ZNF469: variants seen among roughly 807,000 people sequenced by gnomAD.
The protein encoded by ZNF469 is zinc finger protein 469.
Under a neutral mutation model 1.0 loss-of-function variants are expected in ZNF469, and 1 was observed. The observed-to-expected ratio is 1.00, with a 90% CI of 0.35 to 4.73. ZNF469 has a LOEUF of 4.73. Among genes scored for constraint, ZNF469 ranks in the 30% most tolerant of loss-of-function variants. ZNF469 has a pLI of 0.16. For synonymous variants in ZNF469, 2,703 were observed against 2,363.4 expected (o/e 1.14, Z -4.17); for missense variants, 6,100 against 5,356.3 (o/e 1.14, Z -4.33).
At chr16:88,383,961 G>A (rs574174479) in intron 1 of ZNF469, among the ~76,000 whole-genome samples, 4 of 151,872 alleles carry the variant, frequency 2.6e-5, no homozygotes, top group Admixed American at 6.5e-5. Context: ...AATGGGGCTC[G>A]GGGGACTCCC....
chr16:88,240,965 A>G, the ZNF469 span, among the ~76,000 whole-genome samples: 1 of 151,866 alleles, frequency 6.6e-6, no homozygotes, highest in Non-Finnish European at 1.5e-5. Context: ...CGGAAACCCC[A>G]TCTTCCTGCA....
chr16:88,403,345 T>C (rs1599351687), intron 1 of ZNF469, among the ~76,000 whole-genome samples: 1 of 152,362 alleles, frequency 6.6e-6, no homozygotes, highest in East Asian at 1.9e-4. Flanking sequence ...ATCCTCTGCG[T>C]GGGTTTGGTG....
the ZNF469 span, among the ~76,000 whole-genome samples, chr16:88,354,922 G>A: frequency 6.6e-6 from 1 of 152,208 alleles, no homozygotes; most frequent in East Asian, 1.9e-4. Flanking sequence ...CGAGTCCAGG[G>A]TCTCCAGTGG....
At chr16:88,154,513 C>A in the ZNF469 span, among the ~76,000 whole-genome samples, 1 of 152,326 alleles carries the variant, frequency 6.6e-6, no homozygotes, top group East Asian at 1.9e-4. Flanking sequence ...ACCATGGTAC[C>A]ATCGTAGAAA....
the ZNF469 span, among the ~76,000 whole-genome samples, chr16:88,321,468 ACC>A: frequency 2.0e-5 from 3 of 151,118 alleles, no homozygotes; most frequent in African/African-American, 7.3e-5. Context: ...GTTAGGCCTC[ACC>A]TGATTGGATA....
At chr16:88,256,824 T>TTTTC in the ZNF469 span, among the ~76,000 whole-genome samples, 1 of 135,904 alleles carries the variant, frequency 7.4e-6, no homozygotes, top group Admixed American at 7.4e-5. Context: ...GAGGAGCCTC[T>TTTTC]TTTCTTTCTT....
chr16:88,354,603 C>T, the ZNF469 span, among the ~76,000 whole-genome samples: 4 of 134,524 alleles, frequency 3.0e-5, no homozygotes, highest in Non-Finnish European at 6.3e-5. Flanking sequence ...TAAGAGGGTG[C>T]GTGCGAAGGC....
chr16:88,260,362 C>G, the ZNF469 span, among the ~76,000 whole-genome samples: 1 of 152,208 alleles, frequency 6.6e-6, no homozygotes, highest in Non-Finnish European at 1.5e-5. The surrounding 1 kb of genome is among the most constrained non-coding windows in gnomAD (Gnocchi z 4.1). Flanking sequence ...ATGTCAGGCT[C>G]AGCCTAAGGC....
At chr16:88,127,583 G>A in the ZNF469 span, among the ~76,000 whole-genome samples, 10 of 152,268 alleles carry the variant, frequency 6.6e-5, no homozygotes, top group Admixed American at 4.6e-4. Context: ...CAGATACGGC[G>A]AAACCATTTG....
chr16:88,224,653 C>T, the ZNF469 span, among the ~76,000 whole-genome samples: 1 of 152,140 alleles, frequency 6.6e-6, no homozygotes, highest in African/African-American at 2.4e-5. Flanking sequence ...AATCCAGGCT[C>T]GCAGGGTCGG....
the ZNF469 span, among the ~76,000 whole-genome samples, chr16:88,171,134 AAGGTAGGCATTTACCT>A: frequency 6.6e-6 from 1 of 152,268 alleles, no homozygotes; most frequent in African/African-American, 2.4e-5. Flanking sequence ...GGCATTTAGC[AAGGTAGGCATTTACCT>A]AGGTAGGCAT....
chr16:88,430,803 C>T lies in ZNF469; in HGVS notation c.3333C>T (p.Phe1111=), dbSNP rs1185145266. 2.0e-6 allele frequency: 3 copies of T among 1,529,336 alleles called. No homozygotes were observed. The highest frequency in any genetic ancestry group is 2.6e-6 in the Non-Finnish European group (3 of 1,144,392). The allele number at this position is 1,529,336 out of a possible 1,614,324, so 94.7% of individuals were successfully genotyped here. A position where few individuals can be genotyped will look rare whatever the true frequency, so the allele number is the denominator to read the frequency against. ...DEQPPPRGPG[F]RGRRGRGEKR... ...AGCCTCCGCCGCGGGGCCCCGGCTT[C>T]AGAGGCCGGCGGGGCCGAGGCGAGA... The change falls in exon 3 of 3, where the codon TTC becomes TTT. Residue 1111 remains phenylalanine (F), a synonymous_variant. Transcript: ENST00000565624.
the ZNF469 span, among the ~76,000 whole-genome samples, chr16:88,271,097 A>T: frequency 6.6e-6 from 1 of 151,954 alleles, no homozygotes; most frequent in Admixed American, 6.6e-5. Context: ...CCTCCTCTAT[A>T]AGAGGGGGAT....
At position 88,431,096 on chromosome 16, in the gene ZNF469, C is replaced by A; in HGVS notation, c.3626C>A (p.Thr1209Asn). 2 of 1,550,288 alleles carry A rather than the reference C, an allele frequency of 1.3e-6. No individual in the cohort carries two copies. Among genetic ancestry groups the A allele is most frequent in the Non-Finnish European group, 1.7e-6 (2 of 1,146,948 alleles). The change falls in exon 3 of 3, where the codon ACC (threonine) becomes AAC (asparagine). Residue 1209 changes from threonine (T) to asparagine (N), a missense_variant. Thr to Asn is a moderately conservative substitution (Grantham distance 65). Transcript: ENST00000565624. ...PKDPLQVPTN[T>N]ETSEETRPSL... is the part of the protein sequence containing the mutation. ...GATCCCCTGCAGGTCCCCACCAACA[C>A]CGAGACCTCAGAGGAAACCCGCCCG... is the stretch of plus-strand genomic sequence containing the variant.
chr16:88,159,780 G>C, the ZNF469 span, among the ~76,000 whole-genome samples: 1 of 152,116 alleles, frequency 6.6e-6, no homozygotes, highest in Non-Finnish European at 1.5e-5. Flanking sequence ...ACAGACACAT[G>C]GGCAGCCATC....
chr16:88,210,554 T>C, the ZNF469 span, among the ~76,000 whole-genome samples: 3 of 152,266 alleles, frequency 2.0e-5, no homozygotes, highest in African/African-American at 7.2e-5. Context: ...TTGTATGGTT[T>C]AATTTTTTAC....
At chr16:88,296,518 C>CCA in the ZNF469 span, among the ~76,000 whole-genome samples, 1 of 151,332 alleles carries the variant, frequency 6.6e-6, no homozygotes, top group African/African-American at 2.4e-5. Context: ...CTCACCCTCC[C>CCA]CACACACACA....
the ZNF469 span, among the ~76,000 whole-genome samples, chr16:88,244,995 G>C: frequency 6.6e-6 from 1 of 150,496 alleles, no homozygotes; most frequent in African/African-American, 2.5e-5. Context: ...AAGACCCATC[G>C]GAAGACTAGG....
chr16:88,146,302 C>T, the ZNF469 span, among the ~76,000 whole-genome samples: 37 of 152,340 alleles, frequency 2.4e-4, no homozygotes, highest in African/African-American at 8.4e-4. Flanking sequence ...CACCGTAGCA[C>T]ATCCTCAAGG....
Sources: allele counts gnomAD v4.1 joint callset (sites outside exome capture counted in the v4.1 genomes callset), GRCh38; gene constraint gnomAD v4.1.1; non-coding constraint Gnocchi (gnomAD v3.1); transcripts MANE v1.5; gene names NCBI Gene and HGNC (gene_info 2026-07-23, HGNC 2026-07-21).